Variants in TMEM143 observed in about 807,000 individuals in gnomAD.
TMEM143 encodes transmembrane protein 143.
In TMEM143, 45 loss-of-function variants were observed where a neutral mutation model predicts 40.3. The ratio of observed to expected loss-of-function variants is 1.12; its 90% CI spans 0.88 to 1.43. The LOEUF (loss-of-function observed/expected upper bound fraction) is 1.43. TMEM143 is among the 40% of genes most tolerant of loss of function. The pLI is 0.00. For missense variants in TMEM143, 620 were observed against 613.4 expected (o/e 1.01, Z -0.11); for synonymous variants, 299 against 282.7 (o/e 1.06, Z -0.58).
chr19:48,346,044 A>G (rs1458086926), intron 3 of TMEM143, among the ~76,000 whole-genome samples: 1 of 151,292 alleles, frequency 6.6e-6, no homozygotes, highest in Non-Finnish European at 1.5e-5. Flanking sequence ...GGCCTCCCAA[A>G]GTGCTGGGAT....
rs1157945053 is a variant in TMEM143 at position 48,334,090 on chromosome 19, C to A, written c.1083G>T (p.Ala361=). The A allele has an allele frequency of 1.3e-6, 2 of 1,591,222 alleles. No homozygotes were observed. The highest frequency in any genetic ancestry group is 2.7e-5 in the African/African-American group (2 of 74,416). ...GCGCCTCCTTGGTGTGCTCGTCCTGCGCGCGCAGGGCCAGGGCGCTGAGCA... is the reference window on the plus strand; with the variant it reads ...GCGCCTCCTTGGTGTGCTCGTCCTGAGCGCGCAGGGCCAGGGCGCTGAGCA... ...SELLSALALR[A]QDEHTKEALL... The change falls in exon 7 of 8, where the codon GCG becomes GCT. Residue 361 remains alanine, a synonymous_variant. Coordinates refer to ENST00000293261, the MANE Select transcript of TMEM143 (RefSeq NM_018273.4).
Position 48,333,503 on chromosome 19 carries a change from G to C in TMEM143, c.1166-70C>G. 1.8e-6 allele frequency: 2 copies of C among 1,084,172 alleles called. No individual in the cohort carries two copies. Among genetic ancestry groups the C allele is most frequent in the Non-Finnish European group, 2.7e-6 (2 of 737,474 alleles). The allele number at this position is 1,084,172 out of a possible 1,614,324, so 67.2% of individuals were successfully genotyped here. ...GGAAGATTCGAGGGAGCAGCAAGGAGGGGCGTAGGGCAAAGAACAGGAAGG... is the reference window on the plus strand; with the variant it reads ...GGAAGATTCGAGGGAGCAGCAAGGACGGGCGTAGGGCAAAGAACAGGAAGG... On this transcript the variant is annotated intron_variant, in intron 7 of 7. Coordinates refer to ENST00000293261, the MANE Select transcript of TMEM143 (RefSeq NM_018273.4). The surrounding 1 kb of genome is among the most constrained non-coding windows in gnomAD (Gnocchi z 4.1).
chr19:48,352,245 T>C (rs1462315824), intron 3 of TMEM143, among the ~76,000 whole-genome samples: 3 of 8,060 alleles, frequency 3.7e-4, no homozygotes, highest in African/African-American at 3.9e-4. Context: ...AGACTCTGTC[T>C]CAAAAAAAAA....
intron 6 of TMEM143, among the ~76,000 whole-genome samples, chr19:48,334,598 T>TC: frequency 6.7e-6 from 1 of 149,126 alleles, no homozygotes. Context: ...TTTTTTTTTT[T>TC]TTCGACAGGG....
chr19:48,352,408 A>T (rs2147377935), intron 3 of TMEM143, among the ~76,000 whole-genome samples: 2 of 150,906 alleles, frequency 1.3e-5, no homozygotes, highest in Admixed American at 1.3e-4. Flanking sequence ...GGCTCAAGCG[A>T]TCCTCCTGCC....
chr19:48,356,416 ACG>A (rs1969895751), intron 3 of TMEM143, among the ~76,000 whole-genome samples: 2 of 130,886 alleles, frequency 1.5e-5, no homozygotes, highest in South Asian at 2.5e-4. Context: ...GTGAGTCACC[ACG>A]CCCGGCCCTC....
At chr19:48,362,898 C>G (rs750977936) in intron 2 of TMEM143, among the ~76,000 whole-genome samples, 1 of 152,190 alleles carries the variant, frequency 6.6e-6, no homozygotes, top group Non-Finnish European at 1.5e-5. Context: ...ATGTCTGGCA[C>G]AGTGCCATGG....
rs375737871 is a variant in TMEM143 at position 48,363,847 on chromosome 19, G to A, written c.23+51C>T. 14 of 1,613,316 alleles carry A rather than the reference G, an allele frequency of 8.7e-6. No individual in the cohort carries two copies. In the African/African-American group the frequency reaches 1.6e-4, roughly 18 times the overall value. On this transcript the variant is annotated intron_variant, in intron 1 of 7. Coordinates refer to ENST00000293261, the MANE Select transcript of TMEM143 (RefSeq NM_018273.4). Reference sequence around the variant, plus strand: ...GAAATGCTCGTAAAGGTTACCTAGGGGGTGCAGGGCCGCCCTCCCTGGCCA... The same window carrying A: ...GAAATGCTCGTAAAGGTTACCTAGGAGGTGCAGGGCCGCCCTCCCTGGCCA...
intron 6 of TMEM143, among the ~76,000 whole-genome samples, chr19:48,335,819 A>G (rs1969354820): frequency 6.6e-6 from 1 of 152,082 alleles, no homozygotes; most frequent in African/African-American, 2.4e-5. Flanking sequence ...ACCTGAACCC[A>G]GGAGGCTGAG....
intron 6 of TMEM143, among the ~76,000 whole-genome samples, chr19:48,337,155 T>C (rs1969389523): frequency 6.6e-6 from 1 of 152,184 alleles, no homozygotes; most frequent in Non-Finnish European, 1.5e-5. Context: ...CACTAAACCC[T>C]TACCGGCTGC....
chr19:48,362,451 G>A (rs1970066441), intron 2 of TMEM143, among the ~76,000 whole-genome samples: 2 of 152,278 alleles, frequency 1.3e-5, no homozygotes, highest in South Asian at 4.1e-4. Flanking sequence ...TTGAGTCTAG[G>A]AGGCAGAGGT....
chr19:48,338,066 G>A (rs926709704), intron 6 of TMEM143, among the ~76,000 whole-genome samples: 12 of 152,074 alleles, frequency 7.9e-5, no homozygotes, highest in Admixed American at 2.6e-4. Context: ...TACAGCACTC[G>A]CTCCTCCTAC....
At chr19:48,342,284 G>C (rs553343615) in intron 6 of TMEM143, among the ~76,000 whole-genome samples, 1 of 144,722 alleles carries the variant, frequency 6.9e-6, no homozygotes, top group Admixed American at 6.9e-5. Context: ...GGGAGGAAGG[G>C]AGGGAGGAAG....
chr19:48,347,443 T>G (rs993545371), intron 3 of TMEM143, among the ~76,000 whole-genome samples: 1 of 151,902 alleles, frequency 6.6e-6, no homozygotes, highest in African/African-American at 2.4e-5. Context: ...GCCGGCACAG[T>G]GGCTCACGCC....
At chr19:48,360,043 C>T in intron 3 of TMEM143, 29 bp downstream of exon 3, 1 of 1,605,908 alleles carries the variant, frequency 6.2e-7, no homozygotes, top group Non-Finnish European at 8.5e-7. Flanking sequence ...CGAACAAGCA[C>T]CACAGGGCTG....
At chr19:48,343,680 T>C (rs766236519) in intron 4 of TMEM143, among the ~76,000 whole-genome samples, 7 of 152,206 alleles carry the variant, frequency 4.6e-5, no homozygotes, top group Admixed American at 1.3e-4. Flanking sequence ...CCATATTTCC[T>C]AGAATCTAAG....
chr19:48,337,638 A>G (rs1331399332), intron 6 of TMEM143, among the ~76,000 whole-genome samples: 1 of 151,716 alleles, frequency 6.6e-6, no homozygotes, highest in Non-Finnish European at 1.5e-5. Context: ...AGTCACCCAC[A>G]CCCTGTGCTG....
At chr19:48,345,533 A>G (rs1969605939) in intron 3 of TMEM143, among the ~76,000 whole-genome samples, 179 bp from the exon 4 acceptor site, 1 of 151,894 alleles carries the variant, frequency 6.6e-6, no homozygotes, top group South Asian at 2.1e-4. Context: ...TTCTCCGCTC[A>G]CTGCAACCTC....
chr19:48,342,691 G>C lies in TMEM143; in HGVS notation c.814C>G (p.Arg272Gly), dbSNP rs201733680. ...AGGGCGCGCTGCAGGGTGGGCGTGC[G>C]CACCTTCAGCTCCGGCAGCAGCTGC... The part of the protein sequence containing the change: ...LEQLLPELKV[R>G]TPTLQRALLN... Residue 272 changes from arginine (R) to glycine (G), a missense_variant, in exon 6 of 8, where the codon CGC becomes GGC. By Grantham distance (125) the Arg-to-Gly change is moderately radical (BLOSUM62 -2). Coordinates refer to ENST00000293261, the MANE Select transcript of TMEM143 (RefSeq NM_018273.4). 4 of 1,614,142 alleles carry C rather than the reference G, an allele frequency of 2.5e-6. No homozygotes were observed. Among genetic ancestry groups the C allele is most frequent in the Non-Finnish European group, 8.5e-7 (1 of 1,180,014 alleles).
Sources: gnomAD v4.1 joint callset for allele counts (sites outside exome capture counted in the v4.1 genomes callset) on GRCh38, gnomAD v4.1.1 for gene constraint, Gnocchi (gnomAD v3.1) non-coding constraint, MANE v1.5 for transcripts, NCBI Gene and HGNC (gene_info 2026-07-23, HGNC 2026-07-21) for gene names.